The following KYNU variants were observed in gnomAD, a reference collection of about 807,000 sequenced individuals.
The protein encoded by KYNU is L-kynurenine hydrolase.
A neutral mutation model predicts 59.2 loss-of-function variants in KYNU; 54 were observed. That is an observed-to-expected ratio of 0.91 (90% CI 0.73 to 1.14). KYNU has a LOEUF of 1.14. KYNU is among the 50% of genes most tolerant of loss of function. KYNU has a pLI of 0.00. For missense variants in KYNU, 567 were observed against 554.4 expected (o/e 1.02, Z -0.23); for synonymous variants, 177 against 192.0 (o/e 0.92, Z 0.65).
intron 10 of KYNU, among the ~76,000 whole-genome samples, chr2:143,005,817 T>C (rs1685862630): frequency 6.6e-6 from 1 of 152,048 alleles, no homozygotes; most frequent in Non-Finnish European, 1.5e-5. Flanking sequence ...TGATAGATTA[T>C]TGGTTTACAA....
Position 142,985,132 on chromosome 2 carries a change from C to G in KYNU, c.778C>G (p.Leu260Val). The G allele has an allele frequency of 3.7e-6, 6 of 1,611,650 alleles. No individual in the cohort carries two copies. The highest frequency in any genetic ancestry group is 5.1e-6 in the Non-Finnish European group (6 of 1,178,248). ...DLAHAVGNVE[L>V]YLHDWGVDFA... Reference sequence around the variant, plus strand: ...AGCACATGCAGTTGGAAATGTTGAACTCTACTTACATGACTGGGGAGTTGA... The same window carrying G: ...AGCACATGCAGTTGGAAATGTTGAAGTCTACTTACATGACTGGGGAGTTGA... The change falls in exon 9 of 14, where the codon CTC (leucine) becomes GTC (valine). Residue 260 changes from leucine to valine, a missense_variant. Physicochemically the swap from Leu to Val is conservative, Grantham distance 32 (BLOSUM62 1). Transcript: ENST00000264170.
chr2:143,019,398 GT>G (rs1274483491), intron 10 of KYNU, among the ~76,000 whole-genome samples: 4 of 152,072 alleles, frequency 2.6e-5, no homozygotes, highest in Non-Finnish European at 5.9e-5. Flanking sequence ...TTATCATAAG[GT>G]TTTTGTCCTA....
rs2104936206 is a variant in KYNU, at chr2:143,052,781, A to G, written c.*10609A>G. On this transcript the variant is annotated 3_prime_UTR_variant, in exon 14 of 14. Coordinates refer to ENST00000264170, the MANE Select transcript of KYNU (RefSeq NM_003937.3). Reference sequence around the variant, plus strand: ...AAGGCCCTCATGGAGAACCTCTGCTAGGGCAGTGAAGAAGGGAAAAGTATG... The same window carrying G: ...AAGGCCCTCATGGAGAACCTCTGCTGGGGCAGTGAAGAAGGGAAAAGTATG... 1 of 152,404 alleles carries G rather than the reference A, an allele frequency of 6.6e-6. No individual in the cohort carries two copies. The highest frequency in any genetic ancestry group is 2.4e-5 in the African/African-American group (1 of 41,580). 9.4% of individuals were successfully genotyped at this position (152,404 alleles called of 1,614,324 possible).
rs551677799 is a variant in KYNU at position 142,926,637 on chromosome 2, G to A, written c.291-1022G>A. 1.0e-3 allele frequency among the ~76,000 whole-genome samples: 158 copies of A among 152,266 alleles called. 1 individual carries two copies. The highest frequency in any genetic ancestry group is 3.7e-3 in the African/African-American group (153 of 41,538). On this transcript the variant is annotated intron_variant, in intron 3 of 13. Coordinates refer to ENST00000264170, the MANE Select transcript of KYNU (RefSeq NM_003937.3). ...GAGTAATCACACCAGTGCGTAGATC[G>A]CATCTTATGGTAATGAAGCTATAGC...
intron 10 of KYNU, chr2:142,989,019 C>A: frequency 1.3e-6 from 1 of 751,958 alleles, no homozygotes. Context: ...AATCAAATAC[C>A]ACCTGTGAGA....
chr2:143,033,882 G>T (rs1686824408), intron 12 of KYNU, among the ~76,000 whole-genome samples: 1 of 152,050 alleles, frequency 6.6e-6, no homozygotes, highest in African/African-American at 2.4e-5. Context: ...GTCTCATAAG[G>T]TAGGGTGGTT....
intron 2 of KYNU, among the ~76,000 whole-genome samples, chr2:142,886,816 C>T (rs1006103100): frequency 2.0e-5 from 3 of 152,174 alleles, no homozygotes; most frequent in Admixed American, 1.3e-4. Flanking sequence ...GATGGTGGCC[C>T]TGCCCTGATG....
In KYNU at chr2:143,042,078, T is replaced by C. The variant is rs199546957; in HGVS notation, c.1304T>C (p.Val435Ala). 5.8e-5 allele frequency: 93 copies of C among 1,611,700 alleles called. No individual in the cohort carries two copies. Among genetic ancestry groups the C allele is most frequent in the Admixed American group, 1.7e-5 (1 of 59,784 alleles). The part of the protein sequence containing the change: ...CDKRNPNGIR[V>A]APVPLYNSFH... Reference sequence around the variant, plus strand: ...AAGCGGAATCCAAATGGCATTCGAGTGGCTCCAGTTCCTCTCTATAATTCT... The same window carrying C: ...AAGCGGAATCCAAATGGCATTCGAGCGGCTCCAGTTCCTCTCTATAATTCT... Residue 435 changes from valine to alanine, a missense_variant, in exon 14 of 14, where the codon GTG becomes GCG. Coordinates refer to ENST00000264170, the MANE Select transcript of KYNU (RefSeq NM_003937.3).
intron 2 of KYNU, among the ~76,000 whole-genome samples, chr2:142,904,141 G>A (rs367660042): frequency 6.6e-6 from 1 of 152,180 alleles, no homozygotes; most frequent in East Asian, 1.9e-4. Context: ...AGATTAGTTG[G>A]CCTTCAACAG....
At chr2:142,892,035 C>T (rs2104925661) in intron 2 of KYNU, among the ~76,000 whole-genome samples, 1 of 152,180 alleles carries the variant, frequency 6.6e-6, no homozygotes. Context: ...TCCTCAGCCC[C>T]CCAATTAGGT....
Position 143,049,770 on chromosome 2 carries a change from G to A in KYNU, c.*7598G>A. 6.6e-6 allele frequency: 1 copy of A among 152,100 alleles called. No homozygotes were observed. Among genetic ancestry groups the A allele is most frequent in the African/African-American group, 2.4e-5 (1 of 41,440 alleles). 9.4% of individuals were successfully genotyped at this position (152,100 alleles called of 1,614,324 possible). ...AGTCCATATCTAATATATAATGAAT[G>A]TACAGTTGTTTCTGTTGGAGTTCAC... On this transcript the variant is annotated 3_prime_UTR_variant, in exon 14 of 14. Transcript: ENST00000264170.
At chr2:142,987,252 G>T (rs1362166056) in intron 10 of KYNU, among the ~76,000 whole-genome samples, 1 of 151,768 alleles carries the variant, frequency 6.6e-6, no homozygotes, top group East Asian at 1.9e-4. Flanking sequence ...TATTTAAATT[G>T]AAATAGAGGA....
intron 4 of KYNU, among the ~76,000 whole-genome samples, chr2:142,946,284 A>G (rs1683777231): frequency 6.6e-6 from 1 of 151,600 alleles, no homozygotes; most frequent in African/African-American, 2.4e-5. Context: ...GGGTTTCACC[A>G]TTTTGCTCAG....
At chr2:142,990,619 C>T (rs1052932171) in intron 10 of KYNU, among the ~76,000 whole-genome samples, 1 of 151,830 alleles carries the variant, frequency 6.6e-6, no homozygotes, top group East Asian at 1.9e-4. Flanking sequence ...TACTGAAAAC[C>T]TGCTGTTCCT....
At chr2:142,909,304 A>G (rs1226457332) in intron 2 of KYNU, among the ~76,000 whole-genome samples, 1 of 152,200 alleles carries the variant, frequency 6.6e-6, no homozygotes, top group Non-Finnish European at 1.5e-5. Context: ...TTAAAGGGAC[A>G]TACAGGCATA....
intron 10 of KYNU, among the ~76,000 whole-genome samples, chr2:143,007,457 A>G (rs564903367): frequency 3.7e-5 from 5 of 133,334 alleles, no homozygotes; most frequent in African/African-American, 1.5e-4. Context: ...TGATGGGGAG[A>G]ATGGAACCAA....
At chr2:143,018,932 G>C (rs1686334024) in intron 10 of KYNU, among the ~76,000 whole-genome samples, 1 of 151,974 alleles carries the variant, frequency 6.6e-6, no homozygotes, top group Non-Finnish European at 1.5e-5. Flanking sequence ...TTTGTTCTCA[G>C]CTTGATTGTT....
At chr2:142,923,738 G>A (rs1406955772) in intron 3 of KYNU, among the ~76,000 whole-genome samples, 2 of 152,182 alleles carry the variant, frequency 1.3e-5, no homozygotes, top group Non-Finnish European at 2.9e-5. Context: ...TGTCAAATCT[G>A]CTACATAAAG....
At chr2:142,933,289 A>G (rs1439359446) in intron 4 of KYNU, among the ~76,000 whole-genome samples, 2 of 152,106 alleles carry the variant, frequency 1.3e-5, no homozygotes, top group African/African-American at 4.8e-5. Context: ...GTTGGTCAGT[A>G]TAGAGGGAGA....
Sources: allele counts gnomAD v4.1 joint callset (sites outside exome capture counted in the v4.1 genomes callset), GRCh38; gene constraint gnomAD v4.1.1; transcripts MANE v1.5; gene names NCBI Gene and HGNC (gene_info 2026-07-23, HGNC 2026-07-21).